JAG1: variants seen among roughly 807,000 people sequenced by gnomAD.
JAG1 encodes protein jagged-1.
In JAG1, 23 loss-of-function variants were observed where a neutral mutation model predicts 148.7. The ratio of observed to expected loss-of-function variants is 0.15; its 90% CI spans 0.11 to 0.22. The LOEUF is 0.22. Among genes scored for constraint, JAG1 ranks in the 10% least tolerant of loss-of-function variants. The pLI is 1.00. For missense variants in JAG1, 1,054 were observed against 1,611.2 expected (o/e 0.65, Z 5.92); for synonymous variants, 572 against 598.3 (o/e 0.96, Z 0.64).
Position 10,639,325 on chromosome 20 carries a change from G to A in JAG1, c.*173C>T, listed in dbSNP as rs900331145. ...TGCATAGCTGTGAGATGCGGCACTC[G>A]ATTTCCCAGCCAACCACAGAAACTA... On this transcript the variant is annotated 3_prime_UTR_variant, in exon 26 of 26. Transcript: ENST00000254958. 27 of 723,228 alleles carry A rather than the reference G, an allele frequency of 3.7e-5. No homozygotes were observed. The highest frequency in any genetic ancestry group is 1.9e-4 in the African/African-American group (11 of 57,678). The allele number at this position is 723,228 out of a possible 1,614,324, so 44.8% of individuals were successfully genotyped here. A position where few individuals can be genotyped will look rare whatever the true frequency, so the allele number is the denominator to read the frequency against.
chr20:10,646,727 A>T (rs760038843), intron 14 of JAG1, among the ~76,000 whole-genome samples: 2 of 152,078 alleles, frequency 1.3e-5, no homozygotes, highest in African/African-American at 2.4e-5. Context: ...AGGCTGAGGC[A>T]GGCAGGAGAA....
chr20:10,658,278 C>T (rs1332342738), intron 4 of JAG1, among the ~76,000 whole-genome samples, 190 bp downstream of exon 4: 1 of 152,064 alleles, frequency 6.6e-6, no homozygotes, highest in African/African-American at 2.4e-5. Context: ...GATGGGGATG[C>T]CAGTAAAGGG....
chr20:10,668,671 G>T (rs1471241365), intron 2 of JAG1, among the ~76,000 whole-genome samples: 5 of 145,012 alleles, frequency 3.4e-5, no homozygotes, highest in Admixed American at 6.9e-5. Context: ...CCTTGACACT[G>T]TTTTTTTTTT....
intron 18 of JAG1, 89 bp downstream of exon 18, chr20:10,644,774 C>T (rs2067296072): frequency 2.2e-6 from 2 of 927,458 alleles, no homozygotes; most frequent in Non-Finnish European, 3.6e-6. Flanking sequence ...CATCAAACAG[C>T]TCTGCTTCTG....
intron 4 of JAG1, 81 bp from the exon 5 acceptor site, chr20:10,656,539 A>G (rs1024007012): frequency 8.4e-7 from 1 of 1,196,468 alleles, no homozygotes; most frequent in African/African-American, 1.5e-5. Context: ...CCATTGCATT[A>G]AAGTCTGCAA....
At chr20:10,650,389 C>T (rs777717343) in intron 8 of JAG1, 29 bp from the exon 9 acceptor site, 2 of 1,219,600 alleles carry the variant, frequency 1.6e-6, no homozygotes, top group Admixed American at 1.7e-5. Context: ...AGGGGGTTGA[C>T]AATTTAATTC....
At chr20:10,656,885 A>C (rs1384414062) in intron 4 of JAG1, among the ~76,000 whole-genome samples, 5 of 151,582 alleles carry the variant, frequency 3.3e-5, no homozygotes, top group East Asian at 3.9e-4. Context: ...AAAAAAAAAA[A>C]AAAAAAAAAA....
In JAG1 at chr20:10,645,273, C is replaced by T. The variant is rs1276555011; in HGVS notation, c.2114-17G>A. On this transcript the variant is annotated splice_polypyrimidine_tract_variant and intron_variant, in intron 16 of 25. Coordinates refer to ENST00000254958, the MANE Select transcript of JAG1 (RefSeq NM_000214.3). This position sits in a 1 kb window ranked among gnomAD's most constrained non-coding sequence, Gnocchi z 6.1. ...GACTGTCACCTGGAGGAAAATATTT[C>T]AGTGTGAGTCCCAGTGGCCCCCTCC... The T allele has an allele frequency of 6.2e-7, 1 of 1,611,646 alleles. No homozygotes were observed. The highest frequency in any genetic ancestry group is 1.1e-5 in the South Asian group (1 of 91,036).
In JAG1 at chr20:10,645,937, C is replaced by A. The variant is rs776182829; in HGVS notation, c.1999+34G>T. ...TGGGATCCCTCCAACATGACCCATACATCCCAGAGCTCCCCAAAGAGTGGC... is the reference window on the plus strand; with the variant it reads ...TGGGATCCCTCCAACATGACCCATAAATCCCAGAGCTCCCCAAAGAGTGGC... On this transcript the variant is annotated intron_variant, in intron 15 of 25. Coordinates refer to ENST00000254958, the MANE Select transcript of JAG1 (RefSeq NM_000214.3). This position sits in a 1 kb window ranked among gnomAD's most constrained non-coding sequence, Gnocchi z 6.1. 9.2e-6 allele frequency: 13 copies of A among 1,405,800 alleles called. No homozygotes were observed. Among genetic ancestry groups the A allele is most frequent in the Non-Finnish European group, 1.1e-5 (11 of 989,784 alleles). The allele number at this position is 1,405,800 out of a possible 1,614,324, so 87.1% of individuals were successfully genotyped here.
chr20:10,657,348 C>G (rs6077867), intron 4 of JAG1, among the ~76,000 whole-genome samples: 3 of 90,148 alleles, frequency 3.3e-5, no homozygotes, highest in Non-Finnish European at 7.4e-5. Context: ...AGCACCTTAT[C>G]TTAAAAAAAA....
intron 3 of JAG1, chr20:10,662,244 C>G (rs887843258): frequency 6.6e-6 from 1 of 152,168 alleles, no homozygotes; most frequent in African/African-American, 2.4e-5. Context: ...ATTACCCCCC[C>G]AGGAGATGAA....
At chr20:10,644,315 C>CA (rs2067293279) in intron 19 of JAG1, 42 bp downstream of exon 19, 2 of 1,469,182 alleles carry the variant, frequency 1.4e-6, no homozygotes, top group Non-Finnish European at 9.5e-7. Flanking sequence ...CACACACACA[C>CA]GATAGTGGAT....
At chr20:10,644,276 TCACACACACACACACACACACACACA>T in intron 19 of JAG1, 55 bp downstream of exon 19, 3 of 882,926 alleles carry the variant, frequency 3.4e-6, no homozygotes, top group East Asian at 2.6e-5. Flanking sequence ...TGGGTGATTC[TCACACACACACACACACACACACACA>T]CACACACACA....
In JAG1 at chr20:10,639,510, C is replaced by CT; in HGVS notation, c.3644dup (p.Tyr1216ValfsTer13). The CT allele has an allele frequency of 6.2e-7, 1 of 1,614,132 alleles. No homozygotes were observed. The highest frequency in any genetic ancestry group is 1.1e-5 in the South Asian group (1 of 91,088). On this transcript the variant is annotated frameshift_variant, in exon 26 of 26. Transcript: ENST00000254958. LOFTEE classifies it high-confidence loss of function. ...TGCCCGCGGTCTGCTATACGATGTA[C>CT]TCCATTCGGTTTAAGCTCTGGGCAC...
Position 10,639,664 on chromosome 20 carries a change from T to A in JAG1, c.3491A>T (p.His1164Leu). Reference protein sequence around the residue: ...SEVEEDDMDKHQQKARFAKQP... With the variant: ...SEVEEDDMDKLQQKARFAKQP... ...CTTGGCAAACCGGGCTTTCTGCTGG[T>A]GTTTGTCCATGTCGTCCTCTTCTAC... The change falls in exon 26 of 26, where the codon CAC (histidine) becomes CTC (leucine). Residue 1164 changes from histidine to leucine, a missense_variant. Physicochemically the swap from His to Leu is moderately conservative, Grantham distance 99. This residue lies in a region of JAG1 where 177 missense variants were observed against 177.3 expected (regional missense o/e 1.00). Transcript: ENST00000254958. 6.2e-7 allele frequency: 1 copy of A among 1,614,224 alleles called. No individual in the cohort carries two copies. Among genetic ancestry groups the A allele is most frequent in the Non-Finnish European group, 8.5e-7 (1 of 1,180,048 alleles).
chr20:10,653,320 G>A (rs565232123), intron 5 of JAG1, among the ~76,000 whole-genome samples: 8 of 147,760 alleles, frequency 5.4e-5, no homozygotes, highest in South Asian at 2.2e-4. Context: ...TAGTATTGGC[G>A]GAGTTGAGGT....
In JAG1 at chr20:10,637,962, G is replaced by C. The variant is rs960747883; in HGVS notation, c.*1536C>G. On this transcript the variant is annotated 3_prime_UTR_variant, in exon 26 of 26. Transcript: ENST00000254958. ...GTAGAACTACGTAAGCTCAGAAGAG[G>C]CCACACTGTTCCATGTTTTCATACA... The C allele has an allele frequency of 6.6e-6, 1 of 152,602 alleles. No individual in the cohort carries two copies. The highest frequency in any genetic ancestry group is 2.4e-5 in the African/African-American group (1 of 41,434). The allele number at this position is 152,602 out of a possible 1,614,324, so 9.5% of individuals were successfully genotyped here.
intron 2 of JAG1, among the ~76,000 whole-genome samples, chr20:10,671,073 T>C (rs1272614435): frequency 6.6e-6 from 1 of 152,130 alleles, no homozygotes; most frequent in Non-Finnish European, 1.5e-5. Flanking sequence ...TAAGATTCCT[T>C]TTATGGTCTT....
rs762868440 is a variant in JAG1, at chr20:10,649,480, C to T, written c.1348+42G>A. ...CCAGTACGGACCAGCAAGTCGGCTA[C>T]CCAAGTTTCATGAAAATCAAAATGG... On this transcript the variant is annotated intron_variant, in intron 10 of 25. Coordinates refer to ENST00000254958, the MANE Select transcript of JAG1 (RefSeq NM_000214.3). 9.9e-6 allele frequency: 13 copies of T among 1,312,616 alleles called. 1 individual carries two copies. The South Asian group carries it at 1.2e-4, about 12-fold the overall frequency. The allele number at this position is 1,312,616 out of a possible 1,614,324, so 81.3% of individuals were successfully genotyped here. A position where few individuals can be genotyped will look rare whatever the true frequency, so the allele number is the denominator to read the frequency against.
Sources: allele counts gnomAD v4.1 joint callset (sites outside exome capture counted in the v4.1 genomes callset), GRCh38; gene constraint gnomAD v4.1.1; regional missense constraint gnomAD v4.1.1; non-coding constraint Gnocchi (gnomAD v3.1); transcripts MANE v1.5; gene names NCBI Gene and HGNC (gene_info 2026-07-23, HGNC 2026-07-21).